COL6A2: variants seen among roughly 807,000 people sequenced by gnomAD.
COL6A2 encodes collagen type VI alpha 2 chain.
COL6A2 carries 90 observed loss-of-function variants against 124.9 expected under a neutral mutation model. The ratio of observed to expected loss-of-function variants is 0.72; its 90% confidence interval spans 0.61 to 0.86. The LOEUF (loss-of-function observed/expected upper bound fraction) is 0.86, where lower values mean the gene tolerates loss of function less well. COL6A2 is among the 40% of genes least tolerant of loss of function. COL6A2 has a pLI of 0.00. For missense variants in COL6A2, 1,607 were observed against 1,502.5 expected (o/e 1.07, Z -1.15); for synonymous variants, 793 against 618.2 (o/e 1.28, Z -4.19).
intron 27 of COL6A2, among the ~76,000 whole-genome samples, chr21:46,131,500 T>C (rs2078759417): frequency 6.6e-6 from 1 of 152,194 alleles, no homozygotes; most frequent in South Asian, 2.1e-4. Flanking sequence ...CTCTAGGTGT[T>C]CTGAGCAGCT....
chr21:46,131,082 C>T (rs893788221), intron 27 of COL6A2, among the ~76,000 whole-genome samples: 8 of 152,186 alleles, frequency 5.3e-5, no homozygotes, highest in African/African-American at 7.2e-5. Context: ...CCAGCTGTGA[C>T]GACGTCCAGG....
At chr21:46,129,224 G>A (rs778756470) in intron 27 of COL6A2, 63 of 1,612,748 alleles carry the variant, frequency 3.9e-5, no homozygotes, top group African/African-American at 1.5e-4. Flanking sequence ...GCGAGCCCCC[G>A]GTCACCTTCC....
intron 1 of COL6A2, among the ~76,000 whole-genome samples, chr21:46,101,188 G>C (rs1908087117): frequency 6.6e-6 from 1 of 152,082 alleles, no homozygotes; most frequent in Non-Finnish European, 1.5e-5. Flanking sequence ...TCATGTGCTT[G>C]TTGGCCATTT....
At chr21:46,107,136 T>A (rs893432145) in intron 1 of COL6A2, among the ~76,000 whole-genome samples, 1 of 152,200 alleles carries the variant, frequency 6.6e-6, no homozygotes, top group Non-Finnish European at 1.5e-5. Context: ...TTTATGTTGT[T>A]TTTCTTACTA....
In COL6A2 at chr21:46,132,189, G is replaced by C. The variant is rs11554669; in HGVS notation, c.2697G>C (p.Thr899=). 19 of 1,575,714 alleles carry C rather than the reference G, an allele frequency of 1.2e-5. No individual in the cohort carries two copies. The African/African-American group carries it at 1.9e-4, about 16-fold the overall frequency. Residue 899 remains threonine (T), a synonymous_variant, in exon 28 of 28, where the codon ACG becomes ACC. Transcript: ENST00000300527. ...CCTTCCCGCTGAGCCACAACCTCAC[G>C]GCCATCCACGAGGCGCTGGAGACCA... is the stretch of plus-strand genomic sequence containing the variant. ...QVAFPLSHNL[T]AIHEALETTQ...
intron 27 of COL6A2, among the ~76,000 whole-genome samples, chr21:46,127,700 G>A (rs887777266): frequency 1.4e-5 from 2 of 146,912 alleles, no homozygotes; most frequent in Admixed American, 6.9e-5. Flanking sequence ...CATGGCGATG[G>A]TCACTGTGGG....
intron 26 of COL6A2, 112 bp from the exon 27 acceptor site, chr21:46,126,391 C>T (rs928611522): frequency 3.2e-6 from 5 of 1,538,896 alleles, no homozygotes; most frequent in Non-Finnish European, 4.5e-6. Context: ...CTCGGGGCTG[C>T]AGGGCAGAGG....
chr21:46,117,543 G>A (rs1601228598), intron 11 of COL6A2, 90 bp downstream of exon 11: 1 of 1,323,590 alleles, frequency 7.6e-7, no homozygotes, highest in African/African-American at 1.4e-5. Context: ...TGCAGTGGGA[G>A]CGTGGGTTCT....
intron 27 of COL6A2, chr21:46,129,656 G>C: frequency 7.0e-7 from 1 of 1,423,324 alleles, no homozygotes; most frequent in East Asian, 2.5e-5. Context: ...CTCTTCCCAT[G>C]CTGGTGGCCA....
At chr21:46,119,291 C>T (rs1360867300) in intron 14 of COL6A2, among the ~76,000 whole-genome samples, 172 bp downstream of exon 14, 1 of 152,190 alleles carries the variant, frequency 6.6e-6, no homozygotes, top group African/African-American at 2.4e-5. Flanking sequence ...ACGGGACCCC[C>T]CAGAGCTGGA....
At chr21:46,123,883 GTGAGTCAGTGGA>G (rs1311588323) in intron 21 of COL6A2, among the ~76,000 whole-genome samples, 40 of 37,630 alleles carry the variant, frequency 1.1e-3, no homozygotes, top group African/African-American at 2.5e-3. Flanking sequence ...GGATGGATGG[GTGAGTCAGTGGA>G]TAGATGGATG....
rs751568304 is a variant in COL6A2, at chr21:46,112,546, A to G, written c.683A>G (p.Gln228Arg). The G allele has an allele frequency of 5.0e-6, 8 of 1,612,024 alleles. No individual in the cohort carries two copies. In the South Asian group the frequency reaches 8.8e-5, roughly 18 times the overall value. The change falls in exon 3 of 28, where the codon CAG becomes CGG. Residue 228 changes from glutamine to arginine, a missense_variant. Around this residue, in one of 3 missense-constraint regions of COL6A2, gnomAD observed 342 missense variants for 381.5 expected, o/e 0.90. Coordinates refer to ENST00000300527, the MANE Select transcript of COL6A2 (RefSeq NM_001849.4). ...TMLPDSTEIDQDTINRIIKVM... is the reference protein window; with the variant it reads ...TMLPDSTEIDRDTINRIIKVM... Reference sequence around the variant, plus strand: ...CTGCCCGACTCCACCGAGATCGACCAGGACACCATCAACCGCATCATCAAG... The same window carrying G: ...CTGCCCGACTCCACCGAGATCGACCGGGACACCATCAACCGCATCATCAAG...
At chr21:46,118,470 C>T (rs2078510547) in intron 12 of COL6A2, 144 bp from the exon 13 acceptor site, 5 of 751,718 alleles carry the variant, frequency 6.7e-6, no homozygotes, top group Non-Finnish European at 1.2e-5. Flanking sequence ...CAGCCCCCAG[C>T]CAGCATCTGG....
At chr21:46,099,453 C>T (rs1348035292) in intron 1 of COL6A2, among the ~76,000 whole-genome samples, 1 of 61,270 alleles carries the variant, frequency 1.6e-5, no homozygotes, top group East Asian at 6.4e-4. Context: ...GCGAGACTGT[C>T]TCAAAAAAAA....
intron 27 of COL6A2, chr21:46,129,517 T>C (rs2123680500): frequency 2.6e-6 from 4 of 1,529,466 alleles, no homozygotes; most frequent in Non-Finnish European, 3.5e-6. Context: ...CCAGCCGGGC[T>C]GGGCCCTCCC....
At chr21:46,120,393 G>A (rs529606625) in intron 15 of COL6A2, 122 bp from the exon 16 acceptor site, 1 of 749,244 alleles carries the variant, frequency 1.3e-6, no homozygotes, top group South Asian at 1.7e-5. Flanking sequence ...GGTCCCCCGG[G>A]ACAGACGGGG....
chr21:46,125,584 G>A lies in COL6A2; in HGVS notation c.1936G>A (p.Gly646Ser), dbSNP rs1201404615. The change falls in exon 25 of 28, where the codon GGT (glycine) becomes AGT (serine). Residue 646 changes from glycine to serine, a missense_variant. This residue lies in a region of COL6A2 where 1,223 missense variants were observed against 1,052.2 expected (regional missense o/e 1.16). Transcript: ENST00000300527. ...NFVINVVNRL[G>S]AIAKDPKSET... ...CGTCATCAACGTGGTCAACAGGCTG[G>A]GTGCCATCGCTAAGGACCCCAAGTC... 6.2e-7 allele frequency: 1 copy of A among 1,612,856 alleles called. No homozygotes were observed.
At chr21:46,118,045 C>T in intron 12 of COL6A2, 109 bp downstream of exon 12, 1 of 1,067,480 alleles carries the variant, frequency 9.4e-7, no homozygotes, top group Non-Finnish European at 1.4e-6. Flanking sequence ...TCTGGAAACA[C>T]TGGTCAGTGA....
intron 17 of COL6A2, 84 bp downstream of exon 17, chr21:46,121,207 C>A: frequency 7.4e-7 from 1 of 1,348,178 alleles, no homozygotes; most frequent in Non-Finnish European, 1.1e-6. Context: ...TGGAGCTAGC[C>A]ACTGTCCCCA....
Sources: gnomAD v4.1 joint callset for allele counts (sites outside exome capture counted in the v4.1 genomes callset) on GRCh38, gnomAD v4.1.1 for gene constraint, gnomAD v4.1.1 regional missense constraint, MANE v1.5 for transcripts, NCBI Gene and HGNC (gene_info 2026-07-23, HGNC 2026-07-21) for gene names.